ERC2: variants seen among roughly 807,000 people sequenced by gnomAD.
ERC2 encodes ELKS/RAB6-interacting/CAST family member 2, also known as ERC protein 2.
ERC2 carries 42 observed loss-of-function variants against 114.8 expected under a neutral mutation model. The ratio of observed to expected loss-of-function variants is 0.37; its 90% confidence interval spans 0.29 to 0.47. The LOEUF is 0.47. ERC2 is among the 20% of genes least tolerant of loss of function. The probability of loss-of-function intolerance (pLI) is 0.99; values close to 1 mark genes in which losing one functional copy is unlikely to be tolerated. For synonymous variants in ERC2, 454 were observed against 425.5 expected (o/e 1.07, Z -0.82); for missense variants, 939 against 1,150.7 (o/e 0.82, Z 2.66).
intron 14 of ERC2, among the ~76,000 whole-genome samples, chr3:55,744,340 G>A (rs1436336268): frequency 6.6e-6 from 1 of 152,168 alleles, no homozygotes; most frequent in Non-Finnish European, 1.5e-5. Flanking sequence ...GCAGGGGGAG[G>A]TTGCAGTGAG....
chr3:55,910,615 C>T (rs2064745677), intron 13 of ERC2, among the ~76,000 whole-genome samples: 1 of 152,168 alleles, frequency 6.6e-6, no homozygotes, highest in South Asian at 2.1e-4. Context: ...TTAACAATTG[C>T]ATGGCATTAA....
intron 12 of ERC2, among the ~76,000 whole-genome samples, chr3:55,982,364 TTTAGCACAA>T (rs1007371444): frequency 6.6e-6 from 1 of 152,078 alleles, no homozygotes; most frequent in African/African-American, 2.4e-5. Flanking sequence ...ACTGTATAAA[TTTAGCACAA>T]TGTTCAACTT....
intron 17 of ERC2, among the ~76,000 whole-genome samples, chr3:55,614,021 TGGCTG>T (rs1387308385): frequency 2.2e-5 from 3 of 136,650 alleles, no homozygotes; most frequent in African/African-American, 8.3e-5. Context: ...AAAGAAGACA[TGGCTG>T]GGCTACTTTT....
At chr3:55,996,066 G>T (rs1432081308) in intron 10 of ERC2, among the ~76,000 whole-genome samples, 1 of 152,196 alleles carries the variant, frequency 6.6e-6, no homozygotes, top group Non-Finnish European at 1.5e-5. Flanking sequence ...GAAAAAAGCA[G>T]ATTTGAATAA....
chr3:55,529,404 A>C (rs1196806968), intron 17 of ERC2, among the ~76,000 whole-genome samples: 1 of 152,190 alleles, frequency 6.6e-6, no homozygotes, highest in Non-Finnish European at 1.5e-5. Flanking sequence ...TCTTAGAGGA[A>C]AGAGAACTGG....
intron 15 of ERC2, among the ~76,000 whole-genome samples, chr3:55,721,643 A>G (rs1281501374): frequency 1.3e-5 from 2 of 152,224 alleles, no homozygotes; most frequent in East Asian, 3.9e-4. Flanking sequence ...TCTTGGGTCC[A>G]TTCTCAGACC....
chr3:56,394,645 C>T lies in ERC2; in HGVS notation c.657+39706G>A, dbSNP rs545173120. 4.6e-5 allele frequency among the ~76,000 whole-genome samples: 7 copies of T among 152,240 alleles called. No individual in the cohort carries two copies. The South Asian group carries it at 1.5e-3, about 32-fold the overall frequency. On this transcript the variant is annotated intron_variant, in intron 2 of 17. Transcript: ENST00000288221. Reference sequence around the variant, plus strand: ...AACATCATCAGCTATAAGGGAAATGCAAACTAAAATCACAATGAGATACCA... The same window carrying T: ...AACATCATCAGCTATAAGGGAAATGTAAACTAAAATCACAATGAGATACCA...
At chr3:55,936,918 G>A (rs1209876765) in intron 13 of ERC2, among the ~76,000 whole-genome samples, 1 of 152,160 alleles carries the variant, frequency 6.6e-6, no homozygotes, top group Non-Finnish European at 1.5e-5. Flanking sequence ...CACAACACTA[G>A]GAGGCAAGTA....
At chr3:55,922,988 T>C (rs1349179200) in intron 13 of ERC2, among the ~76,000 whole-genome samples, 3 of 152,046 alleles carry the variant, frequency 2.0e-5, no homozygotes, top group Non-Finnish European at 4.4e-5. Flanking sequence ...CTCAAAATAT[T>C]GGGAATGGAA....
At chr3:55,663,927 T>C (rs1388547629) in intron 17 of ERC2, among the ~76,000 whole-genome samples, 1 of 152,226 alleles carries the variant, frequency 6.6e-6, no homozygotes, top group Admixed American at 6.5e-5. Context: ...AGTCACATTT[T>C]GCAGTGCGAC....
At position 56,222,104 on chromosome 3, in the gene ERC2, AG is replaced by A. The variant is rs2049952367; in HGVS notation, c.1075-48585del. Among the ~76,000 whole-genome samples the A allele has an allele frequency of 2.6e-5, 4 of 152,294 alleles. No individual in the cohort carries two copies. The South Asian group carries it at 8.3e-4, about 32-fold the overall frequency. On this transcript the variant is annotated intron_variant, in intron 3 of 17. Coordinates refer to ENST00000288221, the MANE Select transcript of ERC2 (RefSeq NM_015576.3). ...GTCAAGAGTATATTAAAATGTTTTTAGTAATCAAAGGCAATGCTACTAGCAA... is the reference window on the plus strand; with the variant it reads ...GTCAAGAGTATATTAAAATGTTTTTATAATCAAAGGCAATGCTACTAGCAA...
intron 17 of ERC2, among the ~76,000 whole-genome samples, chr3:55,591,597 G>GTGTC (rs1271182336): frequency 1.3e-5 from 2 of 151,838 alleles, no homozygotes; most frequent in African/African-American, 4.8e-5. Flanking sequence ...GTGTGTGTGT[G>GTGTC]TGTGCGCGCG....
chr3:55,529,702 T>G (rs748989892), intron 17 of ERC2, among the ~76,000 whole-genome samples: 7 of 152,138 alleles, frequency 4.6e-5, no homozygotes, highest in Non-Finnish European at 1.0e-4. Flanking sequence ...CAGCCACACT[T>G]AAGAACAAAC....
chr3:56,106,989 C>G (rs1187332866), intron 6 of ERC2, among the ~76,000 whole-genome samples: 1 of 152,190 alleles, frequency 6.6e-6, no homozygotes, highest in Non-Finnish European at 1.5e-5. Context: ...AATCGCAGCC[C>G]TTCTTAGGAC....
At chr3:55,909,967 G>C (rs1358413287) in intron 13 of ERC2, among the ~76,000 whole-genome samples, 1 of 152,132 alleles carries the variant, frequency 6.6e-6, no homozygotes, top group Non-Finnish European at 1.5e-5. Flanking sequence ...TTTTGTCCAT[G>C]TGAATACAAA....
chr3:55,611,004 T>C (rs2058888662), intron 17 of ERC2: 1 of 152,172 alleles, frequency 6.6e-6, no homozygotes, highest in Admixed American at 6.5e-5. Context: ...GTTGGTGTTA[T>C]CAGAAATGAT....
At chr3:56,129,698 A>G (rs1575527212) in intron 6 of ERC2, among the ~76,000 whole-genome samples, 1 of 152,326 alleles carries the variant, frequency 6.6e-6, no homozygotes, top group East Asian at 1.9e-4. Context: ...TTCCACTTGC[A>G]GCTTAATATA....
At chr3:55,610,171 A>G (rs1310810766) in intron 17 of ERC2, among the ~76,000 whole-genome samples, 6 of 151,188 alleles carry the variant, frequency 4.0e-5, no homozygotes, top group Non-Finnish European at 7.4e-5. Context: ...TGCTTTGTGC[A>G]ATGTAGGATA....
chr3:55,679,808 G>A (rs563225461), intron 17 of ERC2, among the ~76,000 whole-genome samples: 62 of 152,302 alleles, frequency 4.1e-4, no homozygotes, highest in African/African-American at 1.4e-3. Context: ...TCTGCTTTGT[G>A]TAGAGCTCAG....
Sources: allele counts gnomAD v4.1 joint callset (sites outside exome capture counted in the v4.1 genomes callset), GRCh38; gene constraint gnomAD v4.1.1; transcripts MANE v1.5; gene names NCBI Gene and HGNC (gene_info 2026-07-23, HGNC 2026-07-21).